The following PDE1A variants were observed in gnomAD, a reference collection of about 807,000 sequenced individuals.
The protein encoded by PDE1A is dual specificity calcium/calmodulin-dependent 3',5'-cyclic nucleotide phosphodiesterase 1A.
A neutral mutation model predicts 61.7 loss-of-function variants in PDE1A; 35 were observed. The observed-to-expected ratio is 0.57, with a 90% CI of 0.43 to 0.75. The LOEUF is 0.75. PDE1A is among the 30% of genes least tolerant of loss of function. PDE1A has a pLI of 0.00. For missense variants in PDE1A, 597 were observed against 630.6 expected, an observed-to-expected ratio of 0.95 and a Z score of 0.57; for synonymous variants, 232 against 213.2, an observed-to-expected ratio of 1.09 and a Z score of -0.77.
At chr2:182,360,620 T>G (rs1699448032) in intron 1 of PDE1A, among the ~76,000 whole-genome samples, 1 of 150,790 alleles carries the variant, frequency 6.6e-6, no homozygotes, top group Admixed American at 6.6e-5. Context: ...TGTAGAGACC[T>G]GCAAAAATAT....
At chr2:182,356,138 A>G (rs16823120) in intron 1 of PDE1A, among the ~76,000 whole-genome samples, 3,593 of 152,236 alleles carry the variant, frequency 0.024, 130 homozygotes, top group African/African-American at 0.08. Context: ...CAATGTTACT[A>G]AAATTCCAAA....
At chr2:182,681,795 G>A in the PDE1A span, among the ~76,000 whole-genome samples, 3 of 151,950 alleles carry the variant, frequency 2.0e-5, no homozygotes, top group East Asian at 5.8e-4. Flanking sequence ...ACAGGCGCCC[G>A]CCACCTCGCC....
intron 1 of PDE1A, among the ~76,000 whole-genome samples, chr2:182,294,298 C>T (rs1056083438): frequency 6.6e-6 from 1 of 152,082 alleles, no homozygotes; most frequent in African/African-American, 2.4e-5. Context: ...AATCTGGGCT[C>T]ATTAATGATA....
At chr2:182,332,485 T>C (rs964758286) in intron 1 of PDE1A, among the ~76,000 whole-genome samples, 3 of 152,178 alleles carry the variant, frequency 2.0e-5, no homozygotes, top group African/African-American at 7.2e-5. Context: ...CTCATCTTCA[T>C]GGATTTAACT....
At chr2:182,264,522 T>C (rs2125789392) in intron 1 of PDE1A, 108 bp from the exon 2 acceptor site, 1 of 690,682 alleles carries the variant, frequency 1.4e-6, no homozygotes, top group Non-Finnish European at 2.4e-6. Context: ...AACATAGCTA[T>C]TTCTAGGTCA....
In PDE1A at chr2:182,362,904, C is replaced by T. The variant is rs561654873; in HGVS notation, c.53+63674G>A. 7.9e-5 allele frequency among the ~76,000 whole-genome samples: 12 copies of T among 152,130 alleles called. No homozygotes were observed. The South Asian group carries it at 1.7e-3, about 21-fold the overall frequency. On this transcript the variant is annotated intron_variant, in intron 1 of 13. Coordinates refer to ENST00000351439, the Ensembl canonical transcript of PDE1A. ...GCAGCCATAAAAAGGAATGCGATCA[C>T]GTTCTTTGCAGGAACATGGATGGGC...
chr2:182,471,951 T>C (rs1212469733), intron 2 of PDE1A, among the ~76,000 whole-genome samples: 1 of 151,720 alleles, frequency 6.6e-6, no homozygotes, highest in Admixed American at 6.6e-5. Context: ...AACAAGCATA[T>C]GAAAAAATGT....
chr2:182,542,631 A>T, the PDE1A span, among the ~76,000 whole-genome samples: 17 of 152,298 alleles, frequency 1.1e-4, no homozygotes, highest in African/African-American at 3.8e-4. Context: ...TTTATTAGGC[A>T]ATAAAATAGT....
At chr2:182,575,146 G>A in the PDE1A span, among the ~76,000 whole-genome samples, 1 of 152,146 alleles carries the variant, frequency 6.6e-6, no homozygotes, top group African/African-American at 2.4e-5. Context: ...CTGGTGGAAT[G>A]ATCCAAACCT....
the PDE1A span, chr2:182,715,901 A>G: frequency 6.6e-6 from 1 of 152,104 alleles, no homozygotes; most frequent in Non-Finnish European, 1.5e-5. Context: ...AATCCTCCAA[A>G]GCTCCGTCTT....
the PDE1A span, among the ~76,000 whole-genome samples, chr2:182,620,152 A>T: frequency 6.6e-6 from 1 of 151,434 alleles, no homozygotes; most frequent in Non-Finnish European, 1.5e-5. Context: ...CATAAAATAA[A>T]GAAGTTATTA....
intron 10 of PDE1A, among the ~76,000 whole-genome samples, chr2:182,198,579 T>G (rs1686335543): frequency 6.6e-6 from 1 of 151,832 alleles, no homozygotes; most frequent in Non-Finnish European, 1.5e-5. Flanking sequence ...ATTTTGCATA[T>G]CTATAGGGTT....
the PDE1A span, among the ~76,000 whole-genome samples, chr2:182,625,251 A>G: frequency 6.6e-6 from 1 of 152,214 alleles, no homozygotes; most frequent in African/African-American, 2.4e-5. Flanking sequence ...TTTAACATCC[A>G]TTCTATGGTA....
At chr2:182,346,899 C>T (rs1414977140) in intron 1 of PDE1A, among the ~76,000 whole-genome samples, 1 of 152,134 alleles carries the variant, frequency 6.6e-6, no homozygotes, top group African/African-American at 2.4e-5. Context: ...AGAAAAAAAT[C>T]TCAAGTATTT....
chr2:182,509,397 A>G (rs1423671205), intron 2 of PDE1A, among the ~76,000 whole-genome samples: 3 of 152,200 alleles, frequency 2.0e-5, no homozygotes, highest in African/African-American at 7.2e-5. Flanking sequence ...AGTACGCAAA[A>G]CTAGACAAAC....
At chr2:182,177,256 G>T (rs1039337290) in intron 13 of PDE1A, among the ~76,000 whole-genome samples, 1 of 152,144 alleles carries the variant, frequency 6.6e-6, no homozygotes, top group African/African-American at 2.4e-5. Flanking sequence ...GTTTCGGAAG[G>T]AATGGCACCA....
the PDE1A span, among the ~76,000 whole-genome samples, chr2:182,670,761 A>T: frequency 6.6e-6 from 1 of 152,148 alleles, no homozygotes; most frequent in Admixed American, 6.5e-5. Flanking sequence ...AATCTTGTTG[A>T]TGTGGAAGTT....
chr2:182,498,883 G>A (rs73044426), intron 2 of PDE1A, among the ~76,000 whole-genome samples: 11,207 of 152,016 alleles, frequency 0.074, 1,339 homozygotes, highest in African/African-American at 0.25. Flanking sequence ...GGCGGAGTTC[G>A]CAGTGAGCGG....
chr2:182,192,630 A>G (rs1239498915), intron 10 of PDE1A, among the ~76,000 whole-genome samples: 1 of 152,144 alleles, frequency 6.6e-6, no homozygotes, highest in Non-Finnish European at 1.5e-5. Flanking sequence ...TATTTTTCTT[A>G]GAGGTTTCGC....
Sources: allele counts gnomAD v4.1 joint callset (sites outside exome capture counted in the v4.1 genomes callset), GRCh38; gene constraint gnomAD v4.1.1; transcripts MANE v1.5; gene names NCBI Gene and HGNC (gene_info 2026-07-23, HGNC 2026-07-21).